Variants in IDH1 observed in about 807,000 individuals in gnomAD.
The protein encoded by IDH1 is isocitrate dehydrogenase (NADP(+)) 1.
In IDH1, 33 loss-of-function variants were observed where a neutral mutation model predicts 46.1. That is an observed-to-expected ratio of 0.72 (90% confidence interval 0.54 to 0.96). IDH1 has a LOEUF of 0.96. Among genes scored for constraint, IDH1 ranks in the 40% least tolerant of loss-of-function variants. The pLI is 0.00. For synonymous variants in IDH1, 144 were observed against 172.8 expected (o/e 0.83, Z 1.31); for missense variants, 421 against 515.7 (o/e 0.82, Z 1.78).
At chr2:208,244,699 A>AAAAC (rs1205264094) in intron 5 of IDH1, among the ~76,000 whole-genome samples, 1 of 152,238 alleles carries the variant, frequency 6.6e-6, no homozygotes, top group Non-Finnish European at 1.5e-5. Context: ...AGAGGCAAGA[A>AAAAC]AAACAAAAGG....
intron 4 of IDH1, among the ~76,000 whole-genome samples, chr2:208,245,708 T>A (rs577485285): frequency 6.6e-6 from 1 of 150,830 alleles, no homozygotes; most frequent in Non-Finnish European, 1.5e-5. Flanking sequence ...TTAGGAAGTT[T>A]ACAACCCTAT....
intron 3 of IDH1, among the ~76,000 whole-genome samples, chr2:208,249,570 T>C (rs923154966): frequency 2.0e-5 from 3 of 152,224 alleles, no homozygotes; most frequent in Non-Finnish European, 4.4e-5. Context: ...AAGCATGCAA[T>C]AGTTTGTTAA....
chr2:208,253,776 T>C (rs952987038), intron 2 of IDH1, 110 bp downstream of exon 2: 1 of 152,204 alleles, frequency 6.6e-6, no homozygotes, highest in Non-Finnish European at 1.5e-5. Context: ...TTGGAAATAT[T>C]CCTCACTCAT....
chr2:208,241,288 G>A (rs1301032760), intron 7 of IDH1, among the ~76,000 whole-genome samples: 1 of 152,072 alleles, frequency 6.6e-6, no homozygotes, highest in African/African-American at 2.4e-5. Flanking sequence ...ATAGTGGCGT[G>A]ATCTCAGCTC....
intron 2 of IDH1, 42 bp downstream of exon 2, chr2:208,253,844 A>T (rs1688166204): frequency 6.6e-6 from 1 of 152,162 alleles, no homozygotes; most frequent in African/African-American, 2.4e-5. Context: ...CTGCCACATC[A>T]AAGAAAGTAC....
At chr2:208,250,942 T>C (rs1688110958) in intron 3 of IDH1, among the ~76,000 whole-genome samples, 1 of 152,240 alleles carries the variant, frequency 6.6e-6, no homozygotes, top group Non-Finnish European at 1.5e-5. Context: ...ACATCCTCTC[T>C]TATTTCCCTT....
At chr2:208,239,642 G>A (rs1028793881) in intron 8 of IDH1, among the ~76,000 whole-genome samples, 1 of 152,228 alleles carries the variant, frequency 6.6e-6, no homozygotes, top group African/African-American at 2.4e-5. Flanking sequence ...AAAGGAAAAT[G>A]CTTGTTGATA....
rs759561216 is a variant in IDH1, at chr2:208,245,438, A to C, written c.415-14T>G. 1 of 1,392,250 alleles carries C rather than the reference A, an allele frequency of 7.2e-7. No homozygotes were observed. The highest frequency in any genetic ancestry group is 1.2e-5 in the South Asian group (1 of 86,448). 86.2% of individuals were successfully genotyped at this position (1,392,250 alleles called of 1,614,324 possible). ...AGTTGCTCTGTACTGTGTAGAGGGG[A>C]AAAAGGTATAAAGAAAAAAAAAATA... On this transcript the variant is annotated splice_polypyrimidine_tract_variant and intron_variant, in intron 4 of 9. Coordinates refer to ENST00000345146, the MANE Select transcript of IDH1 (RefSeq NM_005896.4).
Position 208,242,147 on chromosome 2 carries a change from T to C in IDH1, c.699-2A>G, listed in dbSNP as rs1687931031. 3 of 1,613,504 alleles carry C rather than the reference T, an allele frequency of 1.9e-6. No individual in the cohort carries two copies. The highest frequency in any genetic ancestry group is 4.5e-5 in the East Asian group (2 of 44,886). On this transcript the variant is annotated splice_acceptor_variant, in intron 6 of 9. Coordinates refer to ENST00000345146, the MANE Select transcript of IDH1 (RefSeq NM_005896.4). LOFTEE classifies it high-confidence loss of function. ...GCTTCAAACTGGGACTTGTACTGCC[T>C]GGGAAACAAAAGGTAAAAGAGAATA...
chr2:208,243,827 A>G (rs1197905706), intron 5 of IDH1, among the ~76,000 whole-genome samples: 1 of 152,248 alleles, frequency 6.6e-6, no homozygotes, highest in Non-Finnish European at 1.5e-5. Flanking sequence ...TTTTGGAAGG[A>G]CAGCAGAAAT....
intron 3 of IDH1, among the ~76,000 whole-genome samples, chr2:208,250,127 G>A (rs1688095878): frequency 6.6e-6 from 1 of 152,050 alleles, no homozygotes; most frequent in Admixed American, 6.6e-5. Context: ...AAATTATCTA[G>A]TCTGCAGCCA....
At chr2:208,245,547 T>A in intron 4 of IDH1, 123 bp from the exon 5 acceptor site, 6 of 289,658 alleles carry the variant, frequency 2.1e-5, no homozygotes, top group Middle Eastern at 8.5e-4. Flanking sequence ...GTCAAACTTC[T>A]TTTTTTTTTT....
At chr2:208,254,191 AGCAGGTCTTGGGGTTT>A (rs1688171986) in intron 1 of IDH1, 1 of 152,410 alleles carries the variant, frequency 6.6e-6, no homozygotes, top group South Asian at 2.1e-4. Context: ...GCCGCCCGTT[AGCAGGTCTTGGGGTTT>A]GCATGTCCTT....
rs1024382429 is a variant in IDH1 at position 208,240,020 on chromosome 2, A to T, written c.851-17T>A. 5 of 1,614,050 alleles carry T rather than the reference A, an allele frequency of 3.1e-6. No homozygotes were observed. Among genetic ancestry groups the T allele is most frequent in the Non-Finnish European group, 4.2e-6 (5 of 1,180,006 alleles). On this transcript the variant is annotated splice_polypyrimidine_tract_variant and intron_variant, in intron 7 of 9. Transcript: ENST00000345146. The stretch of plus-strand genomic sequence containing the variant: ...AGCCATACCCTGTAAGTAGTGGAGC[A>T]TGAAGCGTTGGGTCCAACTGCATGA...
rs1687824573 is a variant in IDH1, at chr2:208,237,106, C to T, written c.1218G>A (p.Lys406=). The T allele has an allele frequency of 6.2e-7, 1 of 1,606,990 alleles. No homozygotes were observed. Among genetic ancestry groups the T allele is most frequent in the Admixed American group, 1.7e-5 (1 of 59,936 alleles). ...AAAGTTTGGCCTGAGCTAGTTTGATCTTCAAGTTTTCTCCAAGTTTATCCA... is the reference window on the plus strand; with the variant it reads ...AAAGTTTGGCCTGAGCTAGTTTGATTTTCAAGTTTTCTCCAAGTTTATCCA... ...EFMDKLGENL[K]IKLAQAKL The change falls in exon 10 of 10, where the codon AAG becomes AAA. Residue 406 remains lysine (K), a synonymous_variant. Transcript: ENST00000345146.
chr2:208,245,787 C>T (rs921138593), intron 4 of IDH1, among the ~76,000 whole-genome samples: 3 of 41,712 alleles, frequency 7.2e-5, no homozygotes, highest in African/African-American at 1.7e-4. Flanking sequence ...AGACCCCCCC[C>T]CCAAAAAAAA....
At chr2:208,253,192 T>A (rs1404057798) in intron 2 of IDH1, among the ~76,000 whole-genome samples, 1 of 152,242 alleles carries the variant, frequency 6.6e-6, no homozygotes, top group Non-Finnish European at 1.5e-5. Context: ...GACTGATATC[T>A]TTTTAGTTCA....
intron 4 of IDH1, among the ~76,000 whole-genome samples, chr2:208,246,759 A>AT (rs1314113989): frequency 1.3e-5 from 2 of 151,964 alleles, no homozygotes; most frequent in South Asian, 2.1e-4. Context: ...CCTGACCAAC[A>AT]TGGTGAAACC....
chr2:208,241,340 T>G (rs969400823), intron 7 of IDH1, among the ~76,000 whole-genome samples: 3 of 152,146 alleles, frequency 2.0e-5, no homozygotes, highest in African/African-American at 4.8e-5. Flanking sequence ...TTCTCATGCT[T>G]TAGCCTCCTG....
Sources: allele counts gnomAD v4.1 joint callset (sites outside exome capture counted in the v4.1 genomes callset), GRCh38; gene constraint gnomAD v4.1.1; transcripts MANE v1.5; gene names NCBI Gene and HGNC (gene_info 2026-07-23, HGNC 2026-07-21).